The following PLXNA4 variants were observed in gnomAD, a reference collection of about 807,000 sequenced individuals.
PLXNA4 encodes plexin A4.
Under a neutral mutation model 191.8 loss-of-function variants are expected in PLXNA4, and 44 were observed. The ratio of observed to expected loss-of-function variants is 0.23; its 90% CI spans 0.18 to 0.29. The LOEUF (loss-of-function observed/expected upper bound fraction) is 0.29. Among genes scored for constraint, PLXNA4 ranks in the 10% least tolerant of loss-of-function variants. The pLI is 1.00. For missense variants in PLXNA4, 1,800 were observed against 2,488.8 expected, an observed-to-expected ratio of 0.72 and a Z score of 5.89; for synonymous variants, 1,082 against 1,009.5, an observed-to-expected ratio of 1.07 and a Z score of -1.36.
chr7:132,510,824 G>A (rs918436837), intron 1 of PLXNA4, among the ~76,000 whole-genome samples: 3 of 152,194 alleles, frequency 2.0e-5, no homozygotes, highest in Non-Finnish European at 4.4e-5. Context: ...GTGTGTACAA[G>A]GAAGAGTACG....
intron 25 of PLXNA4, among the ~76,000 whole-genome samples, chr7:132,151,406 AGGAAGGAGG>A (rs1165148775): frequency 1.8e-5 from 1 of 56,484 alleles, no homozygotes; most frequent in African/African-American, 9.0e-5. Flanking sequence ...GAGGAGGAGG[AGGAAGGAGG>A]AGGAGGAGGA....
intron 3 of PLXNA4, among the ~76,000 whole-genome samples, chr7:132,385,561 C>T (rs559053165): frequency 6.6e-6 from 1 of 152,348 alleles, no homozygotes; most frequent in African/African-American, 2.4e-5. Flanking sequence ...CCCCAGGCAC[C>T]TGACTCAGCA....
At chr7:132,230,815 T>C (rs1798500415) in intron 5 of PLXNA4, among the ~76,000 whole-genome samples, 1 of 152,240 alleles carries the variant, frequency 6.6e-6, no homozygotes, top group Non-Finnish European at 1.5e-5. Flanking sequence ...TCAGTAGGTC[T>C]GAAAAATGTC....
intron 1 of PLXNA4, among the ~76,000 whole-genome samples, chr7:132,554,258 T>TG: frequency 6.6e-6 from 1 of 152,196 alleles, no homozygotes; most frequent in Non-Finnish European, 1.5e-5. Flanking sequence ...ACAAGGACCC[T>TG]GGGGGGACAG....
At chr7:132,451,511 C>G (rs1026422717) in intron 3 of PLXNA4, among the ~76,000 whole-genome samples, 1 of 152,160 alleles carries the variant, frequency 6.6e-6, no homozygotes, top group African/African-American at 2.4e-5. Flanking sequence ...TAGACAGAAG[C>G]CTGGTCCCAA....
Position 132,128,006 on chromosome 7 carries a change from A to AAG in PLXNA4, c.*2472_*2473insCT, listed in dbSNP as rs1440380935. The AAG allele has an allele frequency of 1.9e-3, 290 of 151,370 alleles. 1 individual carries two copies. The highest frequency in any genetic ancestry group is 3.4e-3 in the Middle Eastern group (1 of 294). 9.4% of individuals were successfully genotyped at this position (151,370 alleles called of 1,614,324 possible). On this transcript the variant is annotated 3_prime_UTR_variant, in exon 32 of 32. Coordinates refer to ENST00000321063, the MANE Select transcript of PLXNA4 (RefSeq NM_020911.2). ...CTTAACTGTGCAAAAAAAAAAAAAA[A>AAG]AAATCAAAATGCACTCACTCATACA... is the stretch of plus-strand genomic sequence containing the variant.
At chr7:132,644,892 C>T (rs1474599220) in intron 2 of PLXNA4, among the ~76,000 whole-genome samples, 1 of 152,190 alleles carries the variant, frequency 6.6e-6, no homozygotes, top group Non-Finnish European at 1.5e-5. Flanking sequence ...ACTTCCCAAA[C>T]CAACTGCCAA....
intron 30 of PLXNA4, among the ~76,000 whole-genome samples, chr7:132,138,196 A>G (rs1433754765): frequency 6.6e-6 from 1 of 152,184 alleles, no homozygotes; most frequent in Non-Finnish European, 1.5e-5. Context: ...GATGGTGCAG[A>G]AAACCTTCCC....
At chr7:132,557,410 T>C (rs1396918887) in intron 1 of PLXNA4, among the ~76,000 whole-genome samples, 1 of 152,042 alleles carries the variant, frequency 6.6e-6, no homozygotes, top group Non-Finnish European at 1.5e-5. Flanking sequence ...TATCAAAACC[T>C]ACAACTTAAG....
chr7:132,535,264 C>T (rs1799785142), intron 1 of PLXNA4, among the ~76,000 whole-genome samples: 1 of 152,236 alleles, frequency 6.6e-6, no homozygotes, highest in Non-Finnish European at 1.5e-5. Context: ...GATTTACTTA[C>T]AGACAATGCC....
chr7:132,539,918 G>C (rs1346507734), intron 1 of PLXNA4, among the ~76,000 whole-genome samples: 1 of 152,214 alleles, frequency 6.6e-6, no homozygotes. Context: ...CCAGAGAACA[G>C]AGCAGTGTTA....
chr7:132,376,770 T>TC (rs1804673311), intron 3 of PLXNA4, among the ~76,000 whole-genome samples: 1 of 152,164 alleles, frequency 6.6e-6, no homozygotes, highest in South Asian at 2.1e-4. Context: ...GAAGAAATTG[T>TC]CCCTGTGACT....
chr7:132,151,847 C>A (rs74518976), intron 25 of PLXNA4, among the ~76,000 whole-genome samples: 2,877 of 152,178 alleles, frequency 0.019, 51 homozygotes, highest in Middle Eastern at 0.034. Flanking sequence ...AACTGGCGGG[C>A]AGCCCCACAT....
chr7:132,156,280 C>T (rs995150202), intron 25 of PLXNA4, among the ~76,000 whole-genome samples: 4 of 151,938 alleles, frequency 2.6e-5, no homozygotes, highest in African/African-American at 9.7e-5. Context: ...ACAAGTCTGG[C>T]GAGGGAGTAG....
At chr7:132,488,255 T>C (rs953423335) in intron 3 of PLXNA4, among the ~76,000 whole-genome samples, 2 of 152,206 alleles carry the variant, frequency 1.3e-5, no homozygotes, top group Non-Finnish European at 2.9e-5. Context: ...ACAGAAATGA[T>C]TGCTGGGCTG....
chr7:132,404,491 C>T (rs1457621643), intron 3 of PLXNA4, among the ~76,000 whole-genome samples: 1 of 152,156 alleles, frequency 6.6e-6, no homozygotes, highest in Non-Finnish European at 1.5e-5. Flanking sequence ...CACTGGGTGG[C>T]AGAACAGGAT....
intron 22 of PLXNA4, among the ~76,000 whole-genome samples, chr7:132,166,282 T>C: frequency 6.8e-6 from 1 of 146,582 alleles, no homozygotes; most frequent in Admixed American, 6.9e-5. Context: ...GGAGCCCTTC[T>C]AGAGTTTCAT....
intron 10 of PLXNA4, among the ~76,000 whole-genome samples, chr7:132,208,867 T>C (rs1403597248): frequency 6.6e-6 from 1 of 152,188 alleles, no homozygotes; most frequent in Non-Finnish European, 1.5e-5. Flanking sequence ...TGCCTGGTGC[T>C]GCGGAGACCC....
chr7:132,328,775 C>T (rs1802474650), intron 3 of PLXNA4, among the ~76,000 whole-genome samples: 1 of 152,190 alleles, frequency 6.6e-6, no homozygotes, highest in Non-Finnish European at 1.5e-5. Flanking sequence ...CAGGAGTCCC[C>T]AGTGCTCTAC....
Sources: allele counts gnomAD v4.1 joint callset (sites outside exome capture counted in the v4.1 genomes callset), GRCh38; gene constraint gnomAD v4.1.1; transcripts MANE v1.5; gene names NCBI Gene and HGNC (gene_info 2026-07-23, HGNC 2026-07-21).